The following RBM6 variants were observed in gnomAD, a reference collection of about 807,000 sequenced individuals.
RBM6 encodes the protein RNA-binding protein 6.
In RBM6, 23 loss-of-function variants were observed where a neutral mutation model predicts 140.4. The ratio of observed to expected loss-of-function variants is 0.16; its 90% CI spans 0.12 to 0.23. The LOEUF (loss-of-function observed/expected upper bound fraction) is 0.23, where lower values mean the gene tolerates loss of function less well. Among genes scored for constraint, RBM6 ranks in the 10% least tolerant of loss-of-function variants. The pLI, the probability that RBM6 is intolerant of heterozygous loss-of-function variation, is 1.00. For synonymous variants in RBM6, 439 were observed against 475.6 expected (o/e 0.92, Z 1.00); for missense variants, 1,139 against 1,386.7 (o/e 0.82, Z 2.84).
rs1403968612 is a variant in RBM6 at position 50,065,507 on chromosome 3, A to G, written c.2682+381A>G. 7 of 461,034 alleles carry G rather than the reference A, an allele frequency of 1.5e-5. 1 individual carries two copies. Among genetic ancestry groups the G allele is most frequent in the Non-Finnish European group, 3.0e-5 (7 of 230,346 alleles). The allele number at this position is 461,034 out of a possible 1,614,324, so 28.6% of individuals were successfully genotyped here. A position where few individuals can be genotyped will look rare whatever the true frequency, so the allele number is the denominator to read the frequency against. On this transcript the variant is annotated intron_variant, in intron 16 of 20. Transcript: ENST00000266022. ...CAAGAATCTCTTAGATATGGAGTGCATGCGTGGTCATTTTTTTATAGTTTC... is the reference window on the plus strand; with the variant it reads ...CAAGAATCTCTTAGATATGGAGTGCGTGCGTGGTCATTTTTTTATAGTTTC...
chr3:49,957,527 G>A (rs1321906709), intron 1 of RBM6, among the ~76,000 whole-genome samples: 1 of 151,978 alleles, frequency 6.6e-6, no homozygotes, highest in Non-Finnish European at 1.5e-5. Context: ...CTAAAGATAT[G>A]TTCTTTGCAG....
At chr3:49,949,879 C>T (rs987648534) in intron 1 of RBM6, among the ~76,000 whole-genome samples, 8 of 152,012 alleles carry the variant, frequency 5.3e-5, no homozygotes, top group Non-Finnish European at 1.0e-4. Flanking sequence ...TATACCACCA[C>T]GCTCAGCTAA....
chr3:49,945,743 G>A (rs1394076591), intron 1 of RBM6, among the ~76,000 whole-genome samples: 4 of 151,792 alleles, frequency 2.6e-5, no homozygotes, highest in East Asian at 3.9e-4. Flanking sequence ...TTAACCGGGC[G>A]TGGCGGCATG....
chr3:50,035,130 C>G (rs1204951674), intron 6 of RBM6, among the ~76,000 whole-genome samples: 1 of 151,138 alleles, frequency 6.6e-6, no homozygotes, highest in Admixed American at 6.6e-5. Flanking sequence ...AGGTCTGCAG[C>G]AACTTCAATT....
At position 50,032,184 on chromosome 3, in the gene RBM6, A is replaced by G. The variant is rs375927569; in HGVS notation, c.1558-16061A>G. The stretch of plus-strand genomic sequence containing the variant: ...AGATAGGCATTAGGAGACTACTAGT[A>G]GTCTTTTAATTTTCCAGGCCGGGCA... On this transcript the variant is annotated intron_variant, in intron 6 of 20. Transcript: ENST00000266022. 3.9e-5 allele frequency among the ~76,000 whole-genome samples: 6 copies of G among 152,180 alleles called. No homozygotes were observed. The South Asian group carries it at 8.3e-4, about 21-fold the overall frequency.
chr3:50,024,496 C>T (rs1476819207), intron 6 of RBM6, among the ~76,000 whole-genome samples: 1 of 152,082 alleles, frequency 6.6e-6, no homozygotes, highest in Non-Finnish European at 1.5e-5. Context: ...TTCTTTTGAG[C>T]CTTATGTAAT....
At position 49,957,563 on chromosome 3, in the gene RBM6, C is replaced by T. The variant is rs2084052297; in HGVS notation, c.-66-5013C>T. Among the ~76,000 whole-genome samples the T allele has an allele frequency of 1.3e-5, 2 of 152,088 alleles. 1 individual carries two copies. The highest frequency in any genetic ancestry group is 1.3e-4 in the Admixed American group (2 of 15,228). ...TTACCATGGGAATTACACTTAACAT[C>T]TCACAGTTATAATCTAATTTGAATT... On this transcript the variant is annotated intron_variant, in intron 1 of 20. Coordinates refer to ENST00000266022, the MANE Select transcript of RBM6 (RefSeq NM_005777.3).
intron 5 of RBM6, among the ~76,000 whole-genome samples, chr3:49,975,950 A>G (rs1233096622): frequency 6.6e-6 from 1 of 152,204 alleles, no homozygotes; most frequent in Non-Finnish European, 1.5e-5. Flanking sequence ...TTTTCAGAAT[A>G]TCCTCCTAGT....
intron 1 of RBM6, among the ~76,000 whole-genome samples, chr3:49,945,946 G>A (rs1254355241): frequency 2.0e-5 from 3 of 150,798 alleles, no homozygotes; most frequent in Non-Finnish European, 4.4e-5. Flanking sequence ...CAGGACTGCT[G>A]TCTTCGTAAG....
chr3:50,061,363 A>C, intron 13 of RBM6, 99 bp from the exon 14 acceptor site: 1 of 1,579,966 alleles, frequency 6.3e-7, no homozygotes, highest in Non-Finnish European at 8.6e-7. Flanking sequence ...AGATGCACCT[A>C]TTTGTGTTGG....
chr3:50,038,993 C>T (rs2088710495), intron 6 of RBM6, among the ~76,000 whole-genome samples: 1 of 152,056 alleles, frequency 6.6e-6, no homozygotes, highest in Non-Finnish European at 1.5e-5. Flanking sequence ...TTAGGGTTAA[C>T]TGATTCAATT....
intron 6 of RBM6, among the ~76,000 whole-genome samples, chr3:50,034,367 A>G (rs960289477): frequency 6.6e-6 from 1 of 152,084 alleles, no homozygotes; most frequent in African/African-American, 2.4e-5. Flanking sequence ...GGTGCACTTT[A>G]TATGACCTGT....
intron 19 of RBM6, among the ~76,000 whole-genome samples, chr3:50,071,929 T>C (rs1284734767): frequency 2.0e-5 from 3 of 149,254 alleles, no homozygotes; most frequent in Non-Finnish European, 4.4e-5. Flanking sequence ...ACTAAAAATA[T>C]AACAATTAGC....
At chr3:49,995,683 T>C (rs1389636395) in intron 5 of RBM6, among the ~76,000 whole-genome samples, 1 of 152,176 alleles carries the variant, frequency 6.6e-6, no homozygotes. Context: ...TCCCAGCATG[T>C]GACAGTGGAA....
intron 16 of RBM6, among the ~76,000 whole-genome samples, 157 bp downstream of exon 16, chr3:50,065,283 G>A (rs1341823878): frequency 6.6e-6 from 1 of 152,178 alleles, no homozygotes; most frequent in Non-Finnish European, 1.5e-5. Flanking sequence ...GTACAAGCAT[G>A]AGATAAAGTT....
chr3:49,946,470 C>T lies in RBM6; in HGVS notation c.-67+6245C>T, dbSNP rs181211826. 2.1e-3 allele frequency among the ~76,000 whole-genome samples: 318 copies of T among 152,226 alleles called. 3 individuals are homozygous for T. Among genetic ancestry groups the T allele is most frequent in the South Asian group, 0.016 (75 of 4,820 alleles). On this transcript the variant is annotated intron_variant, in intron 1 of 20. Coordinates refer to ENST00000266022, the MANE Select transcript of RBM6 (RefSeq NM_005777.3). ...GGCCAGGCTGGTCTTGAACTCCTGA[C>T]GTCAGGTGACCCGCCAGCCTTGGCC...
chr3:50,016,145 CT>C (rs1168053340), intron 6 of RBM6, among the ~76,000 whole-genome samples: 7 of 152,226 alleles, frequency 4.6e-5, no homozygotes, highest in African/African-American at 1.7e-4. Context: ...CTCTCTACTT[CT>C]GTCTGAATAT....
chr3:50,003,996 C>T (rs1331569275), intron 6 of RBM6, among the ~76,000 whole-genome samples: 1 of 152,160 alleles, frequency 6.6e-6, no homozygotes, highest in Non-Finnish European at 1.5e-5. Flanking sequence ...TTTGTGTGCC[C>T]TTGCACTGGG....
At chr3:49,978,701 C>T (rs1478121403) in intron 5 of RBM6, among the ~76,000 whole-genome samples, 1 of 152,128 alleles carries the variant, frequency 6.6e-6, no homozygotes, top group African/African-American at 2.4e-5. Context: ...TTCTCACTAA[C>T]AGGAGTAAAT....
Sources: allele counts gnomAD v4.1 joint callset (sites outside exome capture counted in the v4.1 genomes callset), GRCh38; gene constraint gnomAD v4.1.1; transcripts MANE v1.5; gene names NCBI Gene and HGNC (gene_info 2026-07-23, HGNC 2026-07-21).